ARHGAP22: variants seen among roughly 807,000 people sequenced by gnomAD.
ARHGAP22 encodes rho GTPase-activating protein 22.
A neutral mutation model predicts 59.1 loss-of-function variants in ARHGAP22; 48 were observed. The ratio of observed to expected loss-of-function variants is 0.81; its 90% confidence interval spans 0.64 to 1.03. ARHGAP22 has a LOEUF of 1.03. Ranked by LOEUF, ARHGAP22 falls within the 50% of genes least tolerant of loss-of-function variation. The pLI, the probability that ARHGAP22 is intolerant of heterozygous loss-of-function variation, is 0.00. For missense variants in ARHGAP22, 1,015 were observed against 958.7 expected (o/e 1.06, Z -0.78); for synonymous variants, 445 against 416.4 (o/e 1.07, Z -0.84).
At chr10:48,478,875 G>A (rs1356162525) in intron 4 of ARHGAP22, among the ~76,000 whole-genome samples, 2 of 152,094 alleles carry the variant, frequency 1.3e-5, no homozygotes, top group Non-Finnish European at 2.9e-5. Flanking sequence ...TGTGTCTACT[G>A]CTGTCCCTCT....
At chr10:48,571,198 C>T (rs2058372476) in intron 2 of ARHGAP22, among the ~76,000 whole-genome samples, 1 of 152,166 alleles carries the variant, frequency 6.6e-6, no homozygotes, top group African/African-American at 2.4e-5. Flanking sequence ...ACTTGTCCAG[C>T]ACCAGGGACT....
chr10:48,438,448 A>C, the ARHGAP22 span: 1 of 152,256 alleles, frequency 6.6e-6, no homozygotes, highest in African/African-American at 2.4e-5. Flanking sequence ...CCTAATTTCA[A>C]ACTGACTGCT....
chr10:48,453,166 G>A, intron 8 of ARHGAP22, 138 bp downstream of exon 8: 1 of 1,215,044 alleles, frequency 8.2e-7, no homozygotes, highest in Non-Finnish European at 1.2e-6. Context: ...CAAGTCCCCA[G>A]AGATGGAGAT....
chr10:48,512,967 C>G (rs1478336377), intron 3 of ARHGAP22, among the ~76,000 whole-genome samples: 1 of 152,202 alleles, frequency 6.6e-6, no homozygotes, highest in African/African-American at 2.4e-5. Context: ...TCCTAGAGCA[C>G]TGTAAAAATT....
At chr10:48,518,090 C>T (rs1408743818) in intron 3 of ARHGAP22, among the ~76,000 whole-genome samples, 1 of 152,128 alleles carries the variant, frequency 6.6e-6, no homozygotes, top group Non-Finnish European at 1.5e-5. Context: ...TGCAGGACAC[C>T]GAGTGGAGAA....
intron 3 of ARHGAP22, among the ~76,000 whole-genome samples, chr10:48,523,115 A>G (rs183407081): frequency 2.5e-3 from 375 of 152,326 alleles, no homozygotes; most frequent in African/African-American, 6.3e-3. Context: ...AGGAAGACCT[A>G]GTGCTCATTC....
chr10:48,572,006 G>A (rs1314397552), intron 2 of ARHGAP22, among the ~76,000 whole-genome samples: 1 of 152,150 alleles, frequency 6.6e-6, no homozygotes, highest in East Asian at 1.9e-4. Flanking sequence ...TGGCCAAGGG[G>A]AACCTAGGGA....
the ARHGAP22 span, among the ~76,000 whole-genome samples, chr10:48,433,123 C>CTA: frequency 6.6e-6 from 1 of 152,152 alleles, no homozygotes; most frequent in African/African-American, 2.4e-5. Flanking sequence ...CCATGTGAGA[C>CTA]TAAAGATTTT....
At chr10:48,528,727 A>G (rs1046277982) in intron 3 of ARHGAP22, among the ~76,000 whole-genome samples, 1 of 152,146 alleles carries the variant, frequency 6.6e-6, no homozygotes, top group Non-Finnish European at 1.5e-5. Context: ...GCCTGGTGCC[A>G]TCCCTGTGGC....
rs531205608 is a variant in ARHGAP22, at chr10:48,557,774, C to A, written c.235-2224G>T. ...CCCCACCACTGCAGGGGCCCTAGCA[C>A]TGGCCCTCGGCTGCCCAGATTCCTC... On this transcript the variant is annotated intron_variant, in intron 2 of 9. Coordinates refer to ENST00000249601, the MANE Select transcript of ARHGAP22 (RefSeq NM_021226.4). 2.0e-5 allele frequency among the ~76,000 whole-genome samples: 3 copies of A among 152,354 alleles called. No individual in the cohort carries two copies. In the South Asian group the frequency reaches 6.2e-4, roughly 32 times the overall value.
At chr10:48,521,055 T>C (rs965360364) in intron 3 of ARHGAP22, among the ~76,000 whole-genome samples, 1 of 152,030 alleles carries the variant, frequency 6.6e-6, no homozygotes, top group African/African-American at 2.4e-5. Flanking sequence ...CCAGAAACAA[T>C]ACCCTCGGAG....
chr10:48,525,437 G>A (rs974018438), intron 3 of ARHGAP22, among the ~76,000 whole-genome samples: 3 of 152,180 alleles, frequency 2.0e-5, no homozygotes, highest in Non-Finnish European at 2.9e-5. Flanking sequence ...GCCATGCATG[G>A]TAGCGCACAC....
At position 48,476,961 on chromosome 10, in the gene ARHGAP22, A is replaced by AC. The variant is rs143465138; in HGVS notation, c.451+2674dup. 8.6e-3 allele frequency among the ~76,000 whole-genome samples: 1,314 copies of AC among 152,270 alleles called. 19 individuals are homozygous for AC. The highest frequency in any genetic ancestry group is 0.03 in the African/African-American group (1,248 of 41,540). On this transcript the variant is annotated intron_variant, in intron 4 of 9. Coordinates refer to ENST00000249601, the MANE Select transcript of ARHGAP22 (RefSeq NM_021226.4). ...TTGGGCAAGTCATCTCACTTCTTTG[A>AC]CCCAAGTTTCTCCCTTTGTTTCATT...
At chr10:48,581,928 C>T (rs771511258) in intron 2 of ARHGAP22, among the ~76,000 whole-genome samples, 8 of 152,208 alleles carry the variant, frequency 5.3e-5, no homozygotes, top group Non-Finnish European at 1.0e-4. Context: ...GTTCCCTTTT[C>T]ACCCCTGTGC....
At chr10:48,603,502 G>A (rs1268959673) in intron 1 of ARHGAP22, among the ~76,000 whole-genome samples, 3 of 152,022 alleles carry the variant, frequency 2.0e-5, no homozygotes, top group African/African-American at 7.2e-5. Context: ...ATCAAAATTT[G>A]GTGTGTCTTT....
chr10:48,442,215 A>G (rs1374943076), downstream of ARHGAP22, among the ~76,000 whole-genome samples: 1 of 152,074 alleles, frequency 6.6e-6, no homozygotes, highest in Non-Finnish European at 1.5e-5. Context: ...AAGTGCCTCA[A>G]CTCTGGGGCT....
chr10:48,446,518 C>T lies in ARHGAP22; in HGVS notation c.1970G>A (p.Arg657Gln), dbSNP rs771146853. The change falls in exon 10 of 10, where the codon CGG (arginine) becomes CAG (glutamine). Residue 657 changes from arginine (R) to glutamine (Q), a missense_variant. By Grantham distance (43) the Arg-to-Gln change is conservative (BLOSUM62 1). Transcript: ENST00000249601. ...KKYIMLEIKL[R>Q]NSERAREDAE... is the part of the protein sequence containing the mutation. ...ATCCTCCCGCGCCCGTTCAGAGTTC[C>T]GCAGCTTTATTTCCAGCATGATGTA... 1.4e-5 allele frequency: 22 copies of T among 1,614,080 alleles called. No individual in the cohort carries two copies. Among genetic ancestry groups the T allele is most frequent in the Middle Eastern group, 1.6e-4 (1 of 6,084 alleles).
chr10:48,638,840 C>T (rs533675681), intron 1 of ARHGAP22, among the ~76,000 whole-genome samples: 10 of 151,828 alleles, frequency 6.6e-5, no homozygotes, highest in African/African-American at 9.7e-5. Flanking sequence ...AATAAGAAAG[C>T]GGATATGGGA....
At chr10:48,606,410 G>T (rs1431830110), upstream of ARHGAP22, among the ~76,000 whole-genome samples, 3 of 152,132 alleles carry the variant, frequency 2.0e-5, no homozygotes, top group African/African-American at 7.2e-5. Flanking sequence ...TAGAGTCCAT[G>T]GACACAAAGC....
Sources: gnomAD v4.1 joint callset for allele counts (sites outside exome capture counted in the v4.1 genomes callset) on GRCh38, gnomAD v4.1.1 for gene constraint, MANE v1.5 for transcripts, NCBI Gene and HGNC (gene_info 2026-07-23, HGNC 2026-07-21) for gene names.